Variants in LARGE1 observed in about 807,000 individuals in gnomAD.
LARGE1 encodes LARGE xylosyl- and glucuronyltransferase 1.
LARGE1 carries 43 observed loss-of-function variants against 87.6 expected under a neutral mutation model. The ratio of observed to expected loss-of-function variants is 0.49; its 90% CI spans 0.38 to 0.63. LARGE1 has a LOEUF of 0.63. LARGE1 is among the 30% of genes least tolerant of loss of function. LARGE1 has a pLI of 0.00. For missense variants in LARGE1, 802 were observed against 1,000.2 expected (o/e 0.80, Z 2.67); for synonymous variants, 434 against 394.6 (o/e 1.10, Z -1.18).
intron 7 of LARGE1, among the ~76,000 whole-genome samples, chr22:33,394,148 C>A (rs1221571638): frequency 6.8e-6 from 1 of 148,102 alleles, no homozygotes; most frequent in East Asian, 2.0e-4. Flanking sequence ...ATTTATCAAG[C>A]AACTGCAGTA....
intron 7 of LARGE1, among the ~76,000 whole-genome samples, chr22:33,385,699 G>A (rs2065299996): frequency 6.8e-6 from 1 of 147,948 alleles, no homozygotes; most frequent in South Asian, 2.4e-4. Context: ...AAAAAGCCCT[G>A]AGCACGGAAC....
At chr22:33,446,522 T>C (rs1450092735) in intron 6 of LARGE1, among the ~76,000 whole-genome samples, 1 of 152,176 alleles carries the variant, frequency 6.6e-6, no homozygotes, top group Non-Finnish European at 1.5e-5. Context: ...GTGAATTGAA[T>C]TGAATTGCAG....
At chr22:33,446,459 G>A (rs529645467) in intron 6 of LARGE1, among the ~76,000 whole-genome samples, 90 of 152,308 alleles carry the variant, frequency 5.9e-4, no homozygotes, top group Non-Finnish European at 1.2e-3. Flanking sequence ...TTGTGGGATG[G>A]AGCTCTTAAG....
At chr22:33,807,449 G>A (rs2086348206) in intron 1 of LARGE1, among the ~76,000 whole-genome samples, 1 of 152,114 alleles carries the variant, frequency 6.6e-6, no homozygotes, top group African/African-American at 2.4e-5. Context: ...TCCCACCTAT[G>A]CACAGCTTCC....
chr22:33,902,634 A>C (rs1167168718), intron 1 of LARGE1, among the ~76,000 whole-genome samples: 1 of 152,216 alleles, frequency 6.6e-6, no homozygotes, highest in African/African-American at 2.4e-5. Flanking sequence ...TCCCTGAAAC[A>C]GTCTGCACTG....
chr22:33,853,074 A>C (rs2063657556), intron 1 of LARGE1, among the ~76,000 whole-genome samples: 1 of 152,080 alleles, frequency 6.6e-6, no homozygotes, highest in Non-Finnish European at 1.5e-5. Context: ...AAGCCACCAA[A>C]GAGAAATTAA....
intron 6 of LARGE1, among the ~76,000 whole-genome samples, chr22:33,546,897 C>A (rs971367604): frequency 1.3e-5 from 2 of 152,150 alleles, no homozygotes; most frequent in Admixed American, 6.6e-5. Context: ...CTTATCCATT[C>A]TTACAAACTC....
intron 11 of LARGE1, among the ~76,000 whole-genome samples, chr22:33,180,714 T>A (rs542170437): frequency 6.6e-6 from 1 of 152,226 alleles, no homozygotes; most frequent in African/African-American, 2.4e-5. Context: ...ATGTGATAAA[T>A]CCTCACAACA....
At chr22:33,077,280 C>T in the LARGE1 span, among the ~76,000 whole-genome samples, 3 of 152,122 alleles carry the variant, frequency 2.0e-5, no homozygotes, top group Admixed American at 2.0e-4. Context: ...AGTACATGAT[C>T]TAGGTACTAT....
intron 1 of LARGE1, among the ~76,000 whole-genome samples, chr22:33,871,530 G>A (rs377086867): frequency 1.3e-5 from 2 of 152,144 alleles, no homozygotes; most frequent in African/African-American, 4.8e-5. Flanking sequence ...CAGAAGAGAG[G>A]TATCAAAATC....
chr22:33,091,119 C>A, the LARGE1 span, among the ~76,000 whole-genome samples: 1 of 152,194 alleles, frequency 6.6e-6, no homozygotes, highest in African/African-American at 2.4e-5. Flanking sequence ...CTTCTGCAAG[C>A]CGATCAACTC....
chr22:33,725,152 G>C (rs984654108), intron 2 of LARGE1: 1 of 153,604 alleles, frequency 6.5e-6, no homozygotes, highest in African/African-American at 2.4e-5. Context: ...AGAGCCAGGA[G>C]GGCAGGGCTG....
intron 11 of LARGE1, among the ~76,000 whole-genome samples, chr22:33,196,033 C>G (rs1235470582): frequency 2.0e-5 from 3 of 150,986 alleles, no homozygotes; most frequent in Non-Finnish European, 3.0e-5. Context: ...GCTGGGATTA[C>G]AGGTGTGAGC....
chr22:33,911,730 C>T (rs889366555), intron 1 of LARGE1, among the ~76,000 whole-genome samples: 8 of 152,202 alleles, frequency 5.3e-5, no homozygotes, highest in East Asian at 1.9e-4. Flanking sequence ...AAAGAAAGCA[C>T]GCATTTCGGT....
chr22:33,698,597 G>A (rs903452772), intron 2 of LARGE1, among the ~76,000 whole-genome samples: 3 of 152,104 alleles, frequency 2.0e-5, no homozygotes, highest in African/African-American at 4.8e-5. Context: ...GAGCCACTGC[G>A]CCCAGCCAAC....
At chr22:33,321,388 C>T (rs527445121) in intron 10 of LARGE1, among the ~76,000 whole-genome samples, 234 of 152,294 alleles carry the variant, frequency 1.5e-3, no homozygotes, top group African/African-American at 5.0e-3. Context: ...GTCCCCCTGG[C>T]TTTCCCCTTG....
At chr22:33,525,853 G>A (rs1355493892) in intron 6 of LARGE1, among the ~76,000 whole-genome samples, 1 of 152,190 alleles carries the variant, frequency 6.6e-6, no homozygotes, top group Non-Finnish European at 1.5e-5. Flanking sequence ...AAATGGTGCA[G>A]CCATTTGGAA....
chr22:33,583,258 A>C (rs1403408029), intron 5 of LARGE1, among the ~76,000 whole-genome samples: 2 of 152,180 alleles, frequency 1.3e-5, no homozygotes, highest in African/African-American at 4.8e-5. Context: ...CAGCTGTAAA[A>C]ATGAATCTGC....
At chr22:33,602,804 C>G (rs141940438) in intron 5 of LARGE1, among the ~76,000 whole-genome samples, 1,865 of 152,266 alleles carry the variant, frequency 0.012, 41 homozygotes, top group African/African-American at 0.043. Context: ...TGAGCCACTA[C>G]GCCCAGCACA....
Sources: allele counts gnomAD v4.1 joint callset (sites outside exome capture counted in the v4.1 genomes callset), GRCh38; gene constraint gnomAD v4.1.1; transcripts MANE v1.5; gene names NCBI Gene and HGNC (gene_info 2026-07-23, HGNC 2026-07-21).